The following XYLT1 variants were observed in gnomAD, a reference collection of about 807,000 sequenced individuals.
The protein encoded by XYLT1 is beta-D-xylosyltransferase 1.
A neutral mutation model predicts 91.3 loss-of-function variants in XYLT1; 36 were observed. The ratio of observed to expected loss-of-function variants is 0.39; its 90% CI spans 0.30 to 0.52. The LOEUF (loss-of-function observed/expected upper bound fraction) is 0.52. XYLT1 is among the 20% of genes least tolerant of loss of function. The pLI is 0.68. For synonymous variants in XYLT1, 588 were observed against 532.0 expected (o/e 1.11, Z -1.45); for missense variants, 1,242 against 1,284.5 (o/e 0.97, Z 0.51).
chr16:17,112,366 A>G (rs1966843525), intron 11 of XYLT1, among the ~76,000 whole-genome samples: 2 of 152,068 alleles, frequency 1.3e-5, no homozygotes, highest in South Asian at 4.2e-4. Flanking sequence ...CAAGGACAGG[A>G]GGGCTGCTCT....
intron 6 of XYLT1, among the ~76,000 whole-genome samples, chr16:17,152,992 C>T (rs2141534187): frequency 6.6e-6 from 1 of 152,256 alleles, no homozygotes; most frequent in African/African-American, 2.4e-5. Flanking sequence ...AAAAGAATCT[C>T]CCATGTCCCC....
At chr16:17,428,696 G>C (rs574178575) in intron 1 of XYLT1, among the ~76,000 whole-genome samples, 1 of 152,268 alleles carries the variant, frequency 6.6e-6, no homozygotes, top group Non-Finnish European at 1.5e-5. Context: ...TTGCCGCCAG[G>C]GGTTTCGGGA....
rs1555501170 is a variant in XYLT1, at chr16:17,379,763, T to TTTCTCACACA, written c.364-21714_364-21713insTGTGTGAGAA. Among the ~76,000 whole-genome samples, 38 of 125,622 alleles carry TTTCTCACACA rather than the reference T, an allele frequency of 3.0e-4. No homozygotes were observed. The Middle Eastern group carries it at 0.012, about 41-fold the overall frequency. 82.4% of individuals were successfully genotyped at this position (125,622 alleles called of 152,430 possible). ...CTCTCTCTCTCTCTCTCTCTCTCTC[T>TTTCTCACACA]CACACACACACACACACACACACAC... On this transcript the variant is annotated intron_variant, in intron 1 of 11. Coordinates refer to ENST00000261381, the MANE Select transcript of XYLT1 (RefSeq NM_022166.4).
intron 9 of XYLT1, among the ~76,000 whole-genome samples, chr16:17,131,327 ACAAC>A (rs754354772): frequency 3.3e-5 from 5 of 152,232 alleles, no homozygotes; most frequent in African/African-American, 4.8e-5. Context: ...AAGATGCCGC[ACAAC>A]CAATCATCAT....
intron 3 of XYLT1, among the ~76,000 whole-genome samples, chr16:17,213,243 C>T (rs1358813354): frequency 2.6e-5 from 4 of 152,196 alleles, no homozygotes; most frequent in African/African-American, 9.7e-5. Flanking sequence ...CCTACATCCC[C>T]CTTTACCTTC....
At chr16:17,131,840 A>G (rs559303927) in intron 9 of XYLT1, among the ~76,000 whole-genome samples, 1 of 152,322 alleles carries the variant, frequency 6.6e-6, no homozygotes, top group Non-Finnish European at 1.5e-5. Context: ...CTAGGAATCC[A>G]TTCTCTTCTG....
rs983296210 is a variant in XYLT1, at chr16:17,134,876, C to A, written c.1765-141G>T. ...CCGATACTTTTTGCACCTCTGTGTT[C>A]TCAGTTTCAACATCTGTAAAATGGG... On this transcript the variant is annotated intron_variant, in intron 8 of 11. Transcript: ENST00000261381. The A allele has an allele frequency of 4.1e-6, 4 of 977,702 alleles. No individual in the cohort carries two copies. The African/African-American group carries it at 6.5e-5, about 16-fold the overall frequency. The allele number at this position is 977,702 out of a possible 1,614,324, so 60.6% of individuals were successfully genotyped here.
intron 10 of XYLT1, among the ~76,000 whole-genome samples, chr16:17,120,718 C>A (rs2030018750): frequency 1.3e-5 from 2 of 152,064 alleles, no homozygotes; most frequent in African/African-American, 4.8e-5. Context: ...ACCGTCAACT[C>A]CAAGAGGGCA....
chr16:17,457,885 T>C (rs183909893), intron 1 of XYLT1, among the ~76,000 whole-genome samples: 1 of 152,218 alleles, frequency 6.6e-6, no homozygotes, highest in East Asian at 1.9e-4. Flanking sequence ...AGATTTCCCA[T>C]TACATCTCTA....
chr16:17,141,620 A>G (rs2030977729), intron 6 of XYLT1, among the ~76,000 whole-genome samples: 1 of 152,174 alleles, frequency 6.6e-6, no homozygotes, highest in Non-Finnish European at 1.5e-5. Context: ...ACTGAGGCTT[A>G]GAGAGCCCAG....
intron 5 of XYLT1, among the ~76,000 whole-genome samples, chr16:17,197,599 T>A (rs1283749645): frequency 6.6e-6 from 1 of 152,120 alleles, no homozygotes; most frequent in Non-Finnish European, 1.5e-5. Flanking sequence ...TGGGTGGGCA[T>A]AATCTAATCA....
intron 1 of XYLT1, among the ~76,000 whole-genome samples, chr16:17,379,793 A>ACACACACC (rs71373108): frequency 0.015 from 2,142 of 141,146 alleles, 26 homozygotes; most frequent in Non-Finnish European, 0.025. Flanking sequence ...ACACACACAC[A>ACACACACC]CCCCTTACCT....
intron 2 of XYLT1, among the ~76,000 whole-genome samples, chr16:17,293,805 G>A (rs535629689): frequency 6.6e-6 from 1 of 152,246 alleles, no homozygotes; most frequent in African/African-American, 2.4e-5. Flanking sequence ...TCTCTCTTAA[G>A]AGTCACCACT....
chr16:17,280,672 C>T (rs1033472914), intron 2 of XYLT1, among the ~76,000 whole-genome samples: 4 of 152,188 alleles, frequency 2.6e-5, no homozygotes, highest in Non-Finnish European at 4.4e-5. Context: ...CTATCCTTCA[C>T]ATTCATGTAT....
intron 2 of XYLT1, among the ~76,000 whole-genome samples, chr16:17,275,791 G>A (rs148943617): frequency 0.018 from 2,761 of 152,158 alleles, 97 homozygotes; most frequent in Admixed American, 0.1. Flanking sequence ...GAGACAAATG[G>A]GTCTCCTGCT....
chr16:17,176,746 A>C (rs2031952484), intron 5 of XYLT1, among the ~76,000 whole-genome samples: 1 of 152,164 alleles, frequency 6.6e-6, no homozygotes, highest in African/African-American at 2.4e-5. Flanking sequence ...GTGGAAAGTA[A>C]TTACCTGAGC....
At chr16:17,415,562 C>T (rs973715842) in intron 1 of XYLT1, among the ~76,000 whole-genome samples, 7 of 152,114 alleles carry the variant, frequency 4.6e-5, no homozygotes, top group African/African-American at 7.2e-5. Context: ...TGTGGTGGCA[C>T]GTGACTGTAG....
intron 2 of XYLT1, among the ~76,000 whole-genome samples, chr16:17,321,106 G>A (rs907905035): frequency 2.0e-5 from 3 of 151,858 alleles, no homozygotes; most frequent in South Asian, 2.1e-4. Context: ...AGAGAGCTAC[G>A]AATTACCCTG....
At chr16:17,329,352 G>A (rs182282259) in intron 2 of XYLT1, among the ~76,000 whole-genome samples, 17 of 152,266 alleles carry the variant, frequency 1.1e-4, no homozygotes, top group Admixed American at 8.5e-4. Flanking sequence ...ACCATGGGGG[G>A]ATATAATACA....
Sources: allele counts gnomAD v4.1 joint callset (sites outside exome capture counted in the v4.1 genomes callset), GRCh38; gene constraint gnomAD v4.1.1; transcripts MANE v1.5; gene names NCBI Gene and HGNC (gene_info 2026-07-23, HGNC 2026-07-21).